The following FGGY variants were observed in gnomAD, a reference collection of about 807,000 sequenced individuals.
FGGY encodes the protein FGGY carbohydrate kinase domain-containing protein.
FGGY carries 72 observed loss-of-function variants against 71.3 expected under a neutral mutation model. The ratio of observed to expected loss-of-function variants is 1.01; its 90% CI spans 0.84 to 1.23. The LOEUF (loss-of-function observed/expected upper bound fraction) is 1.23, where lower values mean the gene tolerates loss of function less well. Among genes scored for constraint, FGGY ranks in the 50% most tolerant of loss-of-function variants. The pLI, the probability that FGGY is intolerant of heterozygous loss-of-function variation, is 0.00. For missense variants in FGGY, 668 were observed against 682.3 expected (o/e 0.98, Z 0.23); for synonymous variants, 251 against 250.3 (o/e 1.00, Z -0.02).
intron 5 of FGGY, among the ~76,000 whole-genome samples, chr1:59,381,383 C>T (rs1033737122): frequency 1.1e-4 from 17 of 152,168 alleles, no homozygotes; most frequent in Admixed American, 2.6e-4. Flanking sequence ...TTACCTTGGG[C>T]GGTATGGCCA....
At chr1:59,629,356 G>A (rs371154892) in intron 10 of FGGY, among the ~76,000 whole-genome samples, 13 of 152,158 alleles carry the variant, frequency 8.5e-5, no homozygotes, top group Admixed American at 1.3e-4. Flanking sequence ...TAAAATATAC[G>A]TAGTGTGTTA....
chr1:59,642,965 G>A (rs2153899759), intron 11 of FGGY, among the ~76,000 whole-genome samples: 1 of 150,648 alleles, frequency 6.6e-6, no homozygotes, highest in South Asian at 2.1e-4. Context: ...AACCTGGGGG[G>A]TGGAGCTTGC....
intron 8 of FGGY, among the ~76,000 whole-genome samples, chr1:59,591,020 G>T (rs989464643): frequency 6.6e-6 from 1 of 152,188 alleles, no homozygotes; most frequent in Non-Finnish European, 1.5e-5. Context: ...CAGATGACGT[G>T]ATTGTATATC....
At chr1:59,536,265 C>G (rs1275762490) in intron 7 of FGGY, among the ~76,000 whole-genome samples, 1 of 152,060 alleles carries the variant, frequency 6.6e-6, no homozygotes. Context: ...TACACTTTCC[C>G]AAGACTAAAC....
intron 5 of FGGY, among the ~76,000 whole-genome samples, chr1:59,445,484 G>A (rs1354725514): frequency 6.6e-6 from 1 of 152,102 alleles, no homozygotes; most frequent in Non-Finnish European, 1.5e-5. Context: ...GTTTTGTTTT[G>A]ATAATTTTGA....
At chr1:59,588,053 T>C (rs1317518658) in intron 8 of FGGY, among the ~76,000 whole-genome samples, 1 of 151,978 alleles carries the variant, frequency 6.6e-6, no homozygotes, top group African/African-American at 2.4e-5. Context: ...TGAAAAAAAT[T>C]CAGATGAATG....
rs10563712 is a variant in FGGY, at chr1:59,435,745, C to CGTGT, written c.555-21177_555-21174dup. Among the ~76,000 whole-genome samples the CGTGT allele has an allele frequency of 8.4e-3, 1,189 of 142,332 alleles. 5 individuals carry two copies. The highest frequency in any genetic ancestry group is 0.01 in the African/African-American group (393 of 38,110). The allele number at this position is 142,332 out of a possible 152,430, so 93.4% of individuals were successfully genotyped here. A position where few individuals can be genotyped will look rare whatever the true frequency, so the allele number is the denominator to read the frequency against. On this transcript the variant is annotated intron_variant, in intron 5 of 15. Coordinates refer to ENST00000303721, the MANE Select transcript of FGGY (RefSeq NM_018291.5). ...ATTTCCTTCCTCACGTGTGTGCCTG[C>CGTGT]GTGTGTGTGTGTGTGTGTGTGTGTG...
chr1:59,437,393 G>A (rs1211357600), intron 5 of FGGY, among the ~76,000 whole-genome samples: 4 of 152,214 alleles, frequency 2.6e-5, no homozygotes, highest in Non-Finnish European at 5.9e-5. Flanking sequence ...CAGGCACTGC[G>A]CTAAGCACGC....
intron 6 of FGGY, among the ~76,000 whole-genome samples, chr1:59,479,904 A>G (rs971774311): frequency 2.6e-5 from 4 of 152,186 alleles, no homozygotes; most frequent in Admixed American, 1.3e-4. Flanking sequence ...CTTAATGAAT[A>G]GCAGTAGTCT....
At position 59,340,489 on chromosome 1, in the gene FGGY, A is replaced by G. The variant is rs531133783; in HGVS notation, c.313+420A>G. On this transcript the variant is annotated intron_variant, in intron 3 of 15. Transcript: ENST00000303721. ...CAAGTCCTTTGAAAGGAAATGGAACATGGTAGACAGGGCCATGTGACAGAT... is the reference window on the plus strand; with the variant it reads ...CAAGTCCTTTGAAAGGAAATGGAACGTGGTAGACAGGGCCATGTGACAGAT... Among the ~76,000 whole-genome samples the G allele has an allele frequency of 3.3e-5, 5 of 152,326 alleles. No homozygotes were observed. The East Asian group carries it at 9.6e-4, about 29-fold the overall frequency.
At chr1:59,536,907 A>C (rs1396214049) in intron 7 of FGGY, among the ~76,000 whole-genome samples, 3 of 151,948 alleles carry the variant, frequency 2.0e-5, no homozygotes. Flanking sequence ...ATGGGCAAAA[A>C]CTGGAAGCAT....
intron 11 of FGGY, among the ~76,000 whole-genome samples, chr1:59,659,307 A>G (rs2097253143): frequency 6.6e-6 from 1 of 152,180 alleles, no homozygotes; most frequent in African/African-American, 2.4e-5. Context: ...TGGAGAGAGT[A>G]ATTAAATGGG....
At chr1:59,347,672 C>A (rs943745451) in intron 4 of FGGY, among the ~76,000 whole-genome samples, 4 of 152,124 alleles carry the variant, frequency 2.6e-5, no homozygotes, top group African/African-American at 9.7e-5. Context: ...ACTATCTGAT[C>A]TTTGACAAAC....
At chr1:59,652,968 A>G (rs1034036479) in intron 11 of FGGY, among the ~76,000 whole-genome samples, 86 of 151,964 alleles carry the variant, frequency 5.7e-4, no homozygotes, top group African/African-American at 2.0e-3. Context: ...TTTTCCTTCT[A>G]ACAGACAGGA....
At chr1:59,680,615 T>A (rs2153986750) in intron 14 of FGGY, 1 of 152,272 alleles carries the variant, frequency 6.6e-6, no homozygotes, top group Non-Finnish European at 1.5e-5. Context: ...CTGAAAATTG[T>A]AATTTTTTAA....
At chr1:59,353,805 C>A (rs1226255981) in intron 4 of FGGY, among the ~76,000 whole-genome samples, 2 of 152,142 alleles carry the variant, frequency 1.3e-5, no homozygotes, top group Non-Finnish European at 2.9e-5. Flanking sequence ...TCAAGAGCCA[C>A]ACCATTAGCT....
At chr1:59,421,487 CT>C (rs2065415741) in intron 5 of FGGY, among the ~76,000 whole-genome samples, 1 of 102,582 alleles carries the variant, frequency 9.7e-6, no homozygotes, top group African/African-American at 2.8e-5. Flanking sequence ...CCCTCTCCCC[CT>C]CTCTCCCTCT....
chr1:59,757,866 G>T (rs1273702160), intron 14 of FGGY, 65 bp from the exon 15 acceptor site: 1 of 1,148,178 alleles, frequency 8.7e-7, no homozygotes, highest in Non-Finnish European at 1.3e-6. Context: ...TGTTTTGCCT[G>T]TGACAAGCCT....
intron 6 of FGGY, among the ~76,000 whole-genome samples, chr1:59,493,096 A>AACACACACACACACACACACACACAC (rs3035371): frequency 2.1e-4 from 30 of 143,114 alleles, no homozygotes; most frequent in African/African-American, 4.7e-4. Context: ...TACCAAACAA[A>AACACACACACACACACACACACACAC]ACACACACAC....
Sources: gnomAD v4.1 joint callset for allele counts (sites outside exome capture counted in the v4.1 genomes callset) on GRCh38, gnomAD v4.1.1 for gene constraint, MANE v1.5 for transcripts, NCBI Gene and HGNC (gene_info 2026-07-23, HGNC 2026-07-21) for gene names.